Variants in PTPRT observed in about 807,000 individuals in gnomAD.
PTPRT encodes the protein protein tyrosine phosphatase receptor type T.
PTPRT carries 56 observed loss-of-function variants against 176.8 expected under a neutral mutation model. The ratio of observed to expected loss-of-function variants is 0.32; its 90% confidence interval spans 0.26 to 0.40. The LOEUF (loss-of-function observed/expected upper bound fraction) is 0.40, where lower values mean the gene tolerates loss of function less well. PTPRT is among the 10% of genes least tolerant of loss of function. The probability of loss-of-function intolerance (pLI) is 1.00; values close to 1 mark genes in which losing one functional copy is unlikely to be tolerated. For missense variants in PTPRT, 1,540 were observed against 1,908.2 expected, an observed-to-expected ratio of 0.81 and a Z score of 3.60; for synonymous variants, 783 against 739.0, an observed-to-expected ratio of 1.06 and a Z score of -0.96.
intron 1 of PTPRT, among the ~76,000 whole-genome samples, chr20:43,103,932 G>A (rs933907639): frequency 8.5e-5 from 13 of 152,194 alleles, no homozygotes; most frequent in African/African-American, 3.1e-4. Context: ...CTAATATCCT[G>A]TGGAAAACAA....
At chr20:42,881,030 G>T (rs1002257309) in intron 2 of PTPRT, among the ~76,000 whole-genome samples, 1 of 152,222 alleles carries the variant, frequency 6.6e-6, no homozygotes, top group Non-Finnish European at 1.5e-5. Context: ...CTGCTGAGCA[G>T]CTCGCCTTTG....
intron 1 of PTPRT, among the ~76,000 whole-genome samples, chr20:43,173,812 G>A (rs910783892): frequency 3.9e-5 from 6 of 152,220 alleles, no homozygotes; most frequent in Non-Finnish European, 5.9e-5. Context: ...TTGTTGGGGA[G>A]ATGGAGCTTC....
At chr20:42,929,110 G>A (rs772965819) in intron 1 of PTPRT, among the ~76,000 whole-genome samples, 19 of 152,212 alleles carry the variant, frequency 1.2e-4, no homozygotes, top group Non-Finnish European at 2.2e-4. Flanking sequence ...AAGGAAGTTC[G>A]GACACATGTG....
At chr20:42,041,693 G>A in the PTPRT span, among the ~76,000 whole-genome samples, 3 of 152,234 alleles carry the variant, frequency 2.0e-5, no homozygotes, top group East Asian at 1.9e-4. Flanking sequence ...CAATGTTCTC[G>A]TATAATGGGG....
At chr20:42,630,919 C>A (rs1030420531) in intron 7 of PTPRT, among the ~76,000 whole-genome samples, 1 of 152,108 alleles carries the variant, frequency 6.6e-6, no homozygotes, top group East Asian at 1.9e-4. Context: ...TGATTGAAGT[C>A]TCTTCTACCA....
chr20:42,109,824 T>C (rs1298031166), intron 23 of PTPRT, among the ~76,000 whole-genome samples: 2 of 152,186 alleles, frequency 1.3e-5, no homozygotes, highest in Non-Finnish European at 2.9e-5. Flanking sequence ...CCTGCCTCCC[T>C]GGTGACTGAC....
intron 14 of PTPRT, among the ~76,000 whole-genome samples, chr20:42,239,903 A>G (rs938831721): frequency 1.3e-5 from 2 of 152,212 alleles, no homozygotes; most frequent in South Asian, 2.1e-4. Flanking sequence ...ATCTAAGATT[A>G]TAAGTCCATG....
chr20:42,100,753 T>C (rs1468821050), intron 26 of PTPRT, among the ~76,000 whole-genome samples: 1 of 152,166 alleles, frequency 6.6e-6, no homozygotes, highest in Admixed American at 6.5e-5. Context: ...TACACATACA[T>C]GCGCTCATTG....
chr20:42,282,869 A>G (rs1290327567), intron 12 of PTPRT, among the ~76,000 whole-genome samples: 1 of 152,100 alleles, frequency 6.6e-6, no homozygotes, highest in African/African-American at 2.4e-5. Context: ...GGGGTATGCA[A>G]TGTGCTTTGT....
At chr20:42,752,842 T>C (rs541945060) in intron 6 of PTPRT, among the ~76,000 whole-genome samples, 1 of 152,306 alleles carries the variant, frequency 6.6e-6, no homozygotes, top group East Asian at 1.9e-4. Flanking sequence ...TTGGGTTTGC[T>C]GCCTTCAAAT....
At chr20:42,955,171 G>A (rs1308667843) in intron 1 of PTPRT, among the ~76,000 whole-genome samples, 2 of 152,110 alleles carry the variant, frequency 1.3e-5, no homozygotes, top group South Asian at 2.1e-4. Context: ...AGCTTTTACT[G>A]TGTACCAGAC....
At chr20:42,451,115 G>A (rs934929370) in intron 8 of PTPRT, among the ~76,000 whole-genome samples, 3 of 152,076 alleles carry the variant, frequency 2.0e-5, no homozygotes, top group Admixed American at 6.6e-5. Context: ...TGTCATCCTC[G>A]GGAGAAAGAA....
chr20:43,044,232 G>C (rs1262271239), intron 1 of PTPRT, among the ~76,000 whole-genome samples: 1 of 152,116 alleles, frequency 6.6e-6, no homozygotes, highest in Non-Finnish European at 1.5e-5. Flanking sequence ...CCACAGGTGG[G>C]CAGGGGCTGG....
intron 1 of PTPRT, among the ~76,000 whole-genome samples, chr20:43,132,726 C>A (rs1186735505): frequency 6.6e-6 from 1 of 152,070 alleles, no homozygotes; most frequent in African/African-American, 2.4e-5. Context: ...AATAAAATAA[C>A]CAAACTAGAC....
Position 42,624,027 on chromosome 20 carries a change from A to C in PTPRT, c.1153+53839T>G, listed in dbSNP as rs540186211. 5.3e-5 allele frequency among the ~76,000 whole-genome samples: 8 copies of C among 149,648 alleles called. No individual in the cohort carries two copies. In the East Asian group the frequency reaches 7.7e-4, roughly 14 times the overall value. ...TAGCAACAAACAAACAAACAAACAA[A>C]AAAAAAAAACCCTGCTGAACTCAGA... is the stretch of plus-strand genomic sequence containing the variant. On this transcript the variant is annotated intron_variant, in intron 7 of 30. Coordinates refer to ENST00000373187, the MANE Select transcript of PTPRT (RefSeq NM_007050.6).
intron 7 of PTPRT, among the ~76,000 whole-genome samples, chr20:42,664,553 T>G (rs1600572028): frequency 6.6e-6 from 1 of 152,198 alleles, no homozygotes; most frequent in African/African-American, 2.4e-5. Flanking sequence ...ATATATGCAA[T>G]AAATTCTATT....
At chr20:42,459,689 G>T (rs1568898735) in intron 8 of PTPRT, among the ~76,000 whole-genome samples, 1 of 152,098 alleles carries the variant, frequency 6.6e-6, no homozygotes, top group Non-Finnish European at 1.5e-5. Flanking sequence ...AGGGTGAAGA[G>T]GTTCTCTTTT....
intron 1 of PTPRT, among the ~76,000 whole-genome samples, chr20:43,081,386 G>A (rs1437976094): frequency 2.6e-5 from 4 of 151,980 alleles, no homozygotes; most frequent in African/African-American, 9.7e-5. Flanking sequence ...TTTCATAAGA[G>A]TTTTCACATT....
chr20:42,178,708 A>G (rs1990395914), intron 16 of PTPRT, among the ~76,000 whole-genome samples: 1 of 152,174 alleles, frequency 6.6e-6, no homozygotes, highest in Non-Finnish European at 1.5e-5. Context: ...TGTGGTAATG[A>G]TCTCATCTGA....
Sources: allele counts gnomAD v4.1 joint callset (sites outside exome capture counted in the v4.1 genomes callset), GRCh38; gene constraint gnomAD v4.1.1; transcripts MANE v1.5; gene names NCBI Gene and HGNC (gene_info 2026-07-23, HGNC 2026-07-21).